FAM13B: variants seen among roughly 807,000 people sequenced by gnomAD.
FAM13B encodes the protein family with sequence similarity 13 member B, also known as protein FAM13B.
In FAM13B, 60 loss-of-function variants were observed where a neutral mutation model predicts 117.3. That is an observed-to-expected ratio of 0.51 (90% CI 0.42 to 0.63). The LOEUF is 0.63. FAM13B is among the 30% of genes least tolerant of loss of function. The probability of loss-of-function intolerance (pLI) is 0.00; values close to 1 mark genes in which losing one functional copy is unlikely to be tolerated. For synonymous variants in FAM13B, 332 were observed against 356.1 expected, an observed-to-expected ratio of 0.93 and a Z score of 0.76; for missense variants, 972 against 1,091.9, an observed-to-expected ratio of 0.89 and a Z score of 1.55.
Position 138,032,478 on chromosome 5 carries a change from C to T in FAM13B, c.-203+304G>A, listed in dbSNP as rs1416424398. 2.0e-5 allele frequency among the ~76,000 whole-genome samples: 3 copies of T among 152,206 alleles called. No individual in the cohort carries two copies. The East Asian group carries it at 5.8e-4, about 29-fold the overall frequency. On this transcript the variant is annotated intron_variant, in intron 1 of 23. Coordinates refer to ENST00000689681, the MANE Select transcript of FAM13B (RefSeq NM_001385994.1). The stretch of plus-strand genomic sequence containing the variant: ...CAGCAAAGAAACGTGGGGTGTCGCG[C>T]CATCTACTCTGGAGGGGCTGGAGGT...
At chr5:138,013,807 C>T (rs1412835096) in intron 4 of FAM13B, among the ~76,000 whole-genome samples, 2 of 152,200 alleles carry the variant, frequency 1.3e-5, no homozygotes, top group Non-Finnish European at 2.9e-5. Context: ...GATACCAACA[C>T]TTGACAAATT....
At chr5:138,020,645 C>T (rs1282326704) in intron 2 of FAM13B, 1 of 152,526 alleles carries the variant, frequency 6.6e-6, no homozygotes, top group African/African-American at 2.4e-5. Context: ...CAAAATGACA[C>T]CAGCTGGTAT....
At position 138,025,076 on chromosome 5, in the gene FAM13B, G is replaced by A. The variant is rs540262480; in HGVS notation, c.-202-3879C>T. ...TTTGGTAGAGATGGAGTTTCACCAC[G>A]TTGGCCAGGCTGGTATCGAACTCCT... On this transcript the variant is annotated intron_variant, in intron 1 of 23. Transcript: ENST00000689681. Among the ~76,000 whole-genome samples the A allele has an allele frequency of 1.6e-4, 24 of 151,762 alleles. 1 individual carries two copies. The South Asian group carries it at 3.1e-3, about 20-fold the overall frequency.
chr5:137,976,756 A>G (rs1421759218), intron 10 of FAM13B, among the ~76,000 whole-genome samples: 2 of 152,290 alleles, frequency 1.3e-5, no homozygotes, highest in East Asian at 3.9e-4. Flanking sequence ...GTGATTTCCT[A>G]TGCCTGTCTT....
intron 18 of FAM13B, among the ~76,000 whole-genome samples, chr5:137,948,038 T>C (rs1039336274): frequency 3.3e-5 from 5 of 152,092 alleles, no homozygotes; most frequent in African/African-American, 9.7e-5. Context: ...ATTAGGACTA[T>C]TACCTAGATA....
At position 137,986,283 on chromosome 5, in the gene FAM13B, T is replaced by C. The variant is rs369995243; in HGVS notation, c.1047-894A>G. 9.2e-5 allele frequency among the ~76,000 whole-genome samples: 14 copies of C among 152,272 alleles called. No homozygotes were observed. In the South Asian group the frequency reaches 2.7e-3, roughly 29 times the overall value. Reference sequence around the variant, plus strand: ...TCCCAGCACTGGTTTTCACATCCATTTACATTTTTCATTTTATATTTGATA... The same window carrying C: ...TCCCAGCACTGGTTTTCACATCCATCTACATTTTTCATTTTATATTTGATA... On this transcript the variant is annotated intron_variant, in intron 9 of 23. Coordinates refer to ENST00000689681, the MANE Select transcript of FAM13B (RefSeq NM_001385994.1).
rs377187136 is a variant in FAM13B at position 137,976,028 on chromosome 5, T to A, written c.1179+9229A>T. Among the ~76,000 whole-genome samples, 33 of 148,714 alleles carry A rather than the reference T, an allele frequency of 2.2e-4. No homozygotes were observed. The East Asian group carries it at 6.3e-3, about 29-fold the overall frequency. ...TCTTGCTCTGTTGCCCAGGCTGGAG[T>A]GCAGTGGCGCGATCTCCGCCTCCCG... On this transcript the variant is annotated intron_variant, in intron 10 of 23. Transcript: ENST00000689681.
chr5:138,000,943 C>A (rs11738999), intron 7 of FAM13B, among the ~76,000 whole-genome samples: 39,353 of 141,092 alleles, frequency 0.28, 6,331 homozygotes, highest in East Asian at 0.57. Context: ...AAACAAAAAA[C>A]AAAAAAAAAA....
At chr5:138,003,057 G>A (rs1781682579) in intron 7 of FAM13B, among the ~76,000 whole-genome samples, 1 of 151,910 alleles carries the variant, frequency 6.6e-6, no homozygotes, top group African/African-American at 2.4e-5. Flanking sequence ...GAAATGGCAT[G>A]CATTTTTATT....
chr5:137,984,894 C>T (rs1490076188), intron 10 of FAM13B, among the ~76,000 whole-genome samples: 1 of 151,896 alleles, frequency 6.6e-6, no homozygotes, highest in Non-Finnish European at 1.5e-5. Flanking sequence ...TCAGCCTCCC[C>T]GGTAGCTGGG....
chr5:137,941,928 G>C lies in FAM13B; in HGVS notation c.2690+16C>G, dbSNP rs777539433. The C allele has an allele frequency of 1.9e-6, 3 of 1,594,580 alleles. No homozygotes were observed. The East Asian group carries it at 6.7e-5, about 36-fold the overall frequency. On this transcript the variant is annotated intron_variant, in intron 23 of 23. Coordinates refer to ENST00000689681, the MANE Select transcript of FAM13B (RefSeq NM_001385994.1). Reference sequence around the variant, plus strand: ...TAGAGAAGAAAGATGACTCAATTTTGTGATGCTCAACAAACCTTCCATTTT... The same window carrying C: ...TAGAGAAGAAAGATGACTCAATTTTCTGATGCTCAACAAACCTTCCATTTT...
chr5:138,050,259 G>GA (rs1400446517), intron 1 of FAM13B, among the ~76,000 whole-genome samples: 1 of 152,026 alleles, frequency 6.6e-6, no homozygotes. Flanking sequence ...CCAACATGGA[G>GA]AAACCCTGTC....
intron 7 of FAM13B, among the ~76,000 whole-genome samples, chr5:137,999,274 AG>A (rs1354382593): frequency 6.6e-6 from 1 of 151,964 alleles, no homozygotes; most frequent in Non-Finnish European, 1.5e-5. Context: ...CACTATGCCC[AG>A]CTCATTTTAA....
Position 137,998,537 on chromosome 5 carries a change from A to G in FAM13B, c.848+8453T>C, listed in dbSNP as rs563022253. The stretch of plus-strand genomic sequence containing the variant: ...AAAGACTAACATCTAAACCATGGTT[A>G]TTAGGACTTGAACACTGGCAGACAT... On this transcript the variant is annotated intron_variant, in intron 7 of 23. Coordinates refer to ENST00000689681, the MANE Select transcript of FAM13B (RefSeq NM_001385994.1). 4.9e-4 allele frequency among the ~76,000 whole-genome samples: 75 copies of G among 152,330 alleles called. 1 individual carries two copies. Among genetic ancestry groups the G allele is most frequent in the South Asian group, 2.3e-3 (11 of 4,830 alleles).
intron 14 of FAM13B, chr5:137,954,648 C>G (rs1416181506): frequency 1.7e-5 from 3 of 179,302 alleles, no homozygotes; most frequent in Non-Finnish European, 3.4e-5. Flanking sequence ...AGGTCTCGCT[C>G]TGCTGCCCAG....
intron 22 of FAM13B, chr5:137,942,528 T>A (rs1762171148): frequency 4.4e-6 from 1 of 224,918 alleles, no homozygotes; most frequent in Non-Finnish European, 8.7e-6. Flanking sequence ...CCCTGGCTAA[T>A]TTAAACAAAA....
At chr5:138,015,926 T>G (rs1785155601) in intron 4 of FAM13B, among the ~76,000 whole-genome samples, 1 of 152,236 alleles carries the variant, frequency 6.6e-6, no homozygotes, top group African/African-American at 2.4e-5. Context: ...TGATTATCTA[T>G]GTATAAGTGG....
intron 6 of FAM13B, 66 bp downstream of exon 6, chr5:138,010,942 A>T: frequency 7.4e-7 from 1 of 1,350,620 alleles, no homozygotes; most frequent in South Asian, 1.7e-5. Context: ...CAAGTCTTTA[A>T]GAGCATATTA....
chr5:138,038,702 G>C (rs1329023396), intron 1 of FAM13B: 1 of 152,180 alleles, frequency 6.6e-6, no homozygotes, highest in African/African-American at 2.4e-5. Context: ...GCTGCAAAGA[G>C]AAGAAACTGT....
Sources: gnomAD v4.1 joint callset for allele counts (sites outside exome capture counted in the v4.1 genomes callset) on GRCh38, gnomAD v4.1.1 for gene constraint, MANE v1.5 for transcripts, NCBI Gene and HGNC (gene_info 2026-07-23, HGNC 2026-07-21) for gene names.